Variants in PDGFD observed in about 807,000 individuals in gnomAD.
The protein encoded by PDGFD is platelet derived growth factor D.
PDGFD carries 30 observed loss-of-function variants against 44.7 expected under a neutral mutation model. The ratio of observed to expected loss-of-function variants is 0.67; its 90% CI spans 0.50 to 0.91. The LOEUF (loss-of-function observed/expected upper bound fraction) is 0.91. Among genes scored for constraint, PDGFD ranks in the 40% least tolerant of loss-of-function variants. The pLI is 0.00. For synonymous variants in PDGFD, 173 were observed against 168.4 expected, an observed-to-expected ratio of 1.03 and a Z score of -0.21; for missense variants, 445 against 457.8, an observed-to-expected ratio of 0.97 and a Z score of 0.25.
At chr11:104,084,676 A>G (rs1289434402) in intron 1 of PDGFD, among the ~76,000 whole-genome samples, 1 of 146,514 alleles carries the variant, frequency 6.8e-6, no homozygotes, top group Non-Finnish European at 1.5e-5. Flanking sequence ...AAATTATGAT[A>G]AAATAATTAT....
chr11:104,080,950 A>G (rs1202498113), intron 1 of PDGFD, among the ~76,000 whole-genome samples: 4 of 152,212 alleles, frequency 2.6e-5, no homozygotes, highest in Admixed American at 6.5e-5. Flanking sequence ...TATATGACTG[A>G]GTAAATGTGG....
chr11:103,938,933 T>C (rs1858536876), intron 5 of PDGFD, among the ~76,000 whole-genome samples: 1 of 152,206 alleles, frequency 6.6e-6, no homozygotes, highest in Non-Finnish European at 1.5e-5. Context: ...TTGGTACCAG[T>C]ACCATGTTGT....
intron 3 of PDGFD, among the ~76,000 whole-genome samples, chr11:103,948,477 C>T (rs1858694215): frequency 6.6e-6 from 1 of 152,256 alleles, no homozygotes; most frequent in South Asian, 2.1e-4. Context: ...TTGTATGTGA[C>T]CTCCATGTTA....
intron 1 of PDGFD, among the ~76,000 whole-genome samples, chr11:104,123,842 T>G (rs1458908718): frequency 1.3e-5 from 2 of 152,074 alleles, no homozygotes; most frequent in Non-Finnish European, 2.9e-5. Flanking sequence ...AGTCATTGGG[T>G]GCTGACTCTA....
At chr11:103,952,368 ACT>A (rs1293985948) in intron 3 of PDGFD, among the ~76,000 whole-genome samples, 1 of 152,172 alleles carries the variant, frequency 6.6e-6, no homozygotes, top group Non-Finnish European at 1.5e-5. Context: ...AGAGGAGATA[ACT>A]CTCTACTAGC....
rs765654165 is a variant in PDGFD, at chr11:103,996,046, A to T, written c.510+19T>A. On this transcript the variant is annotated intron_variant, in intron 3 of 6. Coordinates refer to ENST00000393158, the MANE Select transcript of PDGFD (RefSeq NM_025208.5). Reference sequence around the variant, plus strand: ...GAAACCAGTGTCTGCTTTTAATCATAAAGTGGTTAAGTACTCACCAGCAAA... The same window carrying T: ...GAAACCAGTGTCTGCTTTTAATCATTAAGTGGTTAAGTACTCACCAGCAAA... The T allele has an allele frequency of 6.3e-7, 1 of 1,596,386 alleles. No homozygotes were observed. Among genetic ancestry groups the T allele is most frequent in the South Asian group, 1.1e-5 (1 of 88,782 alleles).
chr11:103,944,065 C>A lies in PDGFD; in HGVS notation c.574-415G>T, dbSNP rs551897917. 1.1e-3 allele frequency among the ~76,000 whole-genome samples: 166 copies of A among 152,234 alleles called. 2 individuals are homozygous for A. The highest frequency in any genetic ancestry group is 3.9e-3 in the African/African-American group (161 of 41,552). ...AGTTTTGATAATTAATTCCACTCTC[C>A]CACTGTTAAGTTCCACATTCCCCCT... is the stretch of plus-strand genomic sequence containing the variant. On this transcript the variant is annotated intron_variant, in intron 4 of 6. Transcript: ENST00000393158.
intron 1 of PDGFD, among the ~76,000 whole-genome samples, chr11:104,005,154 C>T (rs1859682198): frequency 6.6e-6 from 1 of 152,152 alleles, no homozygotes; most frequent in Non-Finnish European, 1.5e-5. Context: ...GCTGGGATTA[C>T]AGGCGTGAGC....
At chr11:104,017,756 C>G (rs889152347) in intron 1 of PDGFD, among the ~76,000 whole-genome samples, 6 of 152,134 alleles carry the variant, frequency 3.9e-5, no homozygotes, top group African/African-American at 1.2e-4. Context: ...TGCTAGGGTG[C>G]TAACTTTTGT....
rs778550331 is a variant in PDGFD, at chr11:104,162,611, G to A, written c.124+1193C>T. 3.3e-5 allele frequency among the ~76,000 whole-genome samples: 5 copies of A among 152,104 alleles called. No individual in the cohort carries two copies. The East Asian group carries it at 7.7e-4, about 23-fold the overall frequency. ...ACAAATCTACACCACTTCAGGTGAC[G>A]AGTACACTGATATCCATAGTCTACT... is the stretch of plus-strand genomic sequence containing the variant. On this transcript the variant is annotated intron_variant, in intron 1 of 6. Transcript: ENST00000393158.
intron 6 of PDGFD, 47 bp from the exon 7 acceptor site, chr11:103,909,866 C>T: frequency 6.2e-7 from 1 of 1,611,866 alleles, no homozygotes. Context: ...TGGAGTTCAA[C>T]TCAGTCAGAT....
In PDGFD at chr11:104,126,037, G is replaced by A. The variant is rs114329873; in HGVS notation, c.124+37767C>T. 7.6e-3 allele frequency among the ~76,000 whole-genome samples: 1,131 copies of A among 149,754 alleles called. 6 individuals carry two copies. The highest frequency in any genetic ancestry group is 0.025 in the African/African-American group (1,012 of 40,502). On this transcript the variant is annotated intron_variant, in intron 1 of 6. Coordinates refer to ENST00000393158, the MANE Select transcript of PDGFD (RefSeq NM_025208.5). ...GAGCAACCAATGTGGTCACAGTAGCGGGGAAGGAGAGGGGAAATCCTTTCC... is the reference window on the plus strand; with the variant it reads ...GAGCAACCAATGTGGTCACAGTAGCAGGGAAGGAGAGGGGAAATCCTTTCC...
At chr11:104,108,104 A>G (rs1229674105) in intron 1 of PDGFD, among the ~76,000 whole-genome samples, 1 of 152,200 alleles carries the variant, frequency 6.6e-6, no homozygotes, top group Non-Finnish European at 1.5e-5. Context: ...CCCTTCAAAT[A>G]GTTTTCATTA....
chr11:104,065,213 C>T (rs572484218), intron 1 of PDGFD, among the ~76,000 whole-genome samples: 1 of 152,272 alleles, frequency 6.6e-6, no homozygotes, highest in East Asian at 1.9e-4. Flanking sequence ...TATTGTAGGA[C>T]CTCACTTTGT....
intron 1 of PDGFD, among the ~76,000 whole-genome samples, chr11:104,017,898 C>T (rs925026068): frequency 2.0e-5 from 3 of 152,072 alleles, no homozygotes; most frequent in Admixed American, 1.3e-4. Flanking sequence ...TTGTAAAGTA[C>T]CATAACTGCC....
At chr11:104,121,864 C>T (rs1324686197) in intron 1 of PDGFD, among the ~76,000 whole-genome samples, 23 of 152,024 alleles carry the variant, frequency 1.5e-4, no homozygotes, top group Non-Finnish European at 1.9e-4. Context: ...TTTTCACATA[C>T]ATTATTCATT....
chr11:104,037,691 C>G (rs1167189423), intron 1 of PDGFD: 1 of 1,614,072 alleles, frequency 6.2e-7, no homozygotes. Context: ...GCTGGGGTTG[C>G]TAAAGGAGTG....
Position 104,157,622 on chromosome 11 carries a change from C to G in PDGFD, c.124+6182G>C, listed in dbSNP as rs114918230. Among the ~76,000 whole-genome samples, 826 of 152,254 alleles carry G rather than the reference C, an allele frequency of 5.4e-3. 4 individuals carry two copies. Among genetic ancestry groups the G allele is most frequent in the African/African-American group, 0.019 (802 of 41,554 alleles). ...CCAGAATCAAGGCAGCACGGTCAACCCCTGCTCACAGCTTCCACCCAGTAA... is the reference window on the plus strand; with the variant it reads ...CCAGAATCAAGGCAGCACGGTCAACGCCTGCTCACAGCTTCCACCCAGTAA... On this transcript the variant is annotated intron_variant, in intron 1 of 6. Transcript: ENST00000393158.
chr11:104,142,414 T>C (rs1330368625), intron 1 of PDGFD, among the ~76,000 whole-genome samples: 2 of 152,138 alleles, frequency 1.3e-5, no homozygotes, highest in Non-Finnish European at 2.9e-5. Context: ...TACATAATAT[T>C]TAACATATAT....
Sources: gnomAD v4.1 joint callset for allele counts (sites outside exome capture counted in the v4.1 genomes callset) on GRCh38, gnomAD v4.1.1 for gene constraint, MANE v1.5 for transcripts, NCBI Gene and HGNC (gene_info 2026-07-23, HGNC 2026-07-21) for gene names.